Variants in NAV2 observed in about 807,000 individuals in gnomAD.
NAV2 encodes the protein helicase, APC down-regulated 1.
Under a neutral mutation model 223.2 loss-of-function variants are expected in NAV2, and 54 were observed. That is an observed-to-expected ratio of 0.24 (90% CI 0.19 to 0.30). The LOEUF (loss-of-function observed/expected upper bound fraction) is 0.30, where lower values mean the gene tolerates loss of function less well. NAV2 is among the 10% of genes least tolerant of loss of function. The probability of loss-of-function intolerance (pLI) is 1.00; values close to 1 mark genes in which losing one functional copy is unlikely to be tolerated. For missense variants in NAV2, 2,806 were observed against 3,147.5 expected (o/e 0.89, Z 2.60); for synonymous variants, 1,279 against 1,239.3 (o/e 1.03, Z -0.67).
chr11:19,629,715 T>C (rs7101459), intron 1 of NAV2, among the ~76,000 whole-genome samples: 151,875 of 152,198 alleles, frequency 1, 75,777 homozygotes, highest in Middle Eastern at 1. Flanking sequence ...GGAGAACAGA[T>C]CTTGTTAGGA....
intron 1 of NAV2, among the ~76,000 whole-genome samples, chr11:19,691,267 A>AAAG: frequency 6.6e-6 from 1 of 151,514 alleles, no homozygotes; most frequent in East Asian, 1.9e-4. Context: ...GAAAAAAAAA[A>AAAG]CAGATGACAT....
At chr11:19,738,940 T>A (rs532691704) in intron 1 of NAV2, among the ~76,000 whole-genome samples, 22 of 152,266 alleles carry the variant, frequency 1.4e-4, no homozygotes, top group African/African-American at 4.6e-4. Context: ...AACACACAAC[T>A]AATATTAGAT....
At chr11:20,062,041 C>G (rs1034710751) in intron 19 of NAV2, among the ~76,000 whole-genome samples, 43 of 152,046 alleles carry the variant, frequency 2.8e-4, no homozygotes, top group African/African-American at 1.0e-3. Flanking sequence ...CATTTTTGTT[C>G]AGTAATCATA....
chr11:19,761,137 A>G (rs915337742), intron 1 of NAV2, among the ~76,000 whole-genome samples: 1 of 152,108 alleles, frequency 6.6e-6, no homozygotes, highest in Admixed American at 6.5e-5. Flanking sequence ...ACTGAAGTCA[A>G]GTTTGCTATG....
chr11:20,072,901 T>C (rs2059489739), intron 22 of NAV2, among the ~76,000 whole-genome samples: 3 of 152,224 alleles, frequency 2.0e-5, no homozygotes. Flanking sequence ...TTTGACTTCC[T>C]GTTTTCCCAA....
chr11:19,741,498 T>TTTC (rs1491514318), intron 1 of NAV2, among the ~76,000 whole-genome samples: 1 of 35,180 alleles, frequency 2.8e-5, no homozygotes, highest in Non-Finnish European at 7.9e-5. Context: ...TCTTTCTTTC[T>TTTC]TTTTTTTTTT....
intron 1 of NAV2, among the ~76,000 whole-genome samples, chr11:19,469,279 G>A (rs1347376720): frequency 6.6e-6 from 1 of 152,164 alleles, no homozygotes; most frequent in Admixed American, 6.5e-5. Flanking sequence ...AGAGCCCCAG[G>A]GTGAAGCAGA....
At chr11:19,650,088 G>C (rs1225276027) in intron 1 of NAV2, among the ~76,000 whole-genome samples, 1 of 152,172 alleles carries the variant, frequency 6.6e-6, no homozygotes, top group African/African-American at 2.4e-5. Flanking sequence ...CCCCAAAAAA[G>C]ATATATTGAA....
At chr11:19,836,056 A>T (rs1018776509) in intron 2 of NAV2, among the ~76,000 whole-genome samples, 4 of 152,104 alleles carry the variant, frequency 2.6e-5, no homozygotes, top group African/African-American at 9.7e-5. Flanking sequence ...GCATGCAGTG[A>T]TGTTCAGGAA....
intron 1 of NAV2, among the ~76,000 whole-genome samples, chr11:19,580,259 C>A (rs983970325): frequency 2.0e-5 from 3 of 152,102 alleles, no homozygotes; most frequent in Non-Finnish European, 2.9e-5. Context: ...AAAGATTGTC[C>A]TGTAGCCAGA....
chr11:19,863,033 C>T (rs1038812046), intron 3 of NAV2, among the ~76,000 whole-genome samples: 3 of 152,112 alleles, frequency 2.0e-5, no homozygotes, highest in Non-Finnish European at 2.9e-5. Context: ...TGATATCTGC[C>T]TCCCATCCCA....
chr11:19,669,263 C>G (rs1319862384), intron 1 of NAV2, among the ~76,000 whole-genome samples: 2 of 152,238 alleles, frequency 1.3e-5, no homozygotes, highest in Non-Finnish European at 2.9e-5. Context: ...CATGCACTGT[C>G]ACTCCAGTGT....
intron 1 of NAV2, among the ~76,000 whole-genome samples, chr11:19,495,363 C>T (rs2134107668): frequency 6.6e-6 from 1 of 152,216 alleles, no homozygotes; most frequent in East Asian, 1.9e-4. Context: ...ATAAACAGAC[C>T]ACTGTAGTGT....
intron 7 of NAV2, among the ~76,000 whole-genome samples, chr11:19,937,359 C>A (rs1030777039): frequency 6.6e-6 from 1 of 151,446 alleles, no homozygotes; most frequent in Admixed American, 6.6e-5. Flanking sequence ...GCTCCCCCCC[C>A]GCCCACCAAA....
rs2050058167 is a variant in NAV2 at position 19,713,981 on chromosome 11, C to G, written c.267+19C>G. The G allele has an allele frequency of 6.2e-7, 1 of 1,611,822 alleles. No individual in the cohort carries two copies. Among genetic ancestry groups the G allele is most frequent in the African/African-American group, 1.3e-5 (1 of 74,872 alleles). ...TACCCAGGTGAGAGATGCCGTTTGC[C>G]GGGGTACTGTTCTGGAAGGATGGAT... On this transcript the variant is annotated intron_variant, in intron 1 of 37. Coordinates refer to ENST00000349880, the MANE Select transcript of NAV2 (RefSeq NM_145117.5). The surrounding 1 kb of genome is among the most constrained non-coding windows in gnomAD (Gnocchi z 7.2).
chr11:19,867,528 C>T (rs1244540617), intron 3 of NAV2, among the ~76,000 whole-genome samples: 1 of 152,234 alleles, frequency 6.6e-6, no homozygotes, highest in Non-Finnish European at 1.5e-5. Flanking sequence ...TAAGAAAGGA[C>T]TTTCTGCAAT....
chr11:20,080,919 C>A (rs1043546702), intron 25 of NAV2, among the ~76,000 whole-genome samples: 6 of 152,130 alleles, frequency 3.9e-5, no homozygotes, highest in African/African-American at 1.4e-4. Context: ...TTTTTTAATT[C>A]TTCTTTAAAG....
chr11:20,080,262 C>T, intron 25 of NAV2, 53 bp downstream of exon 25: 1 of 1,542,278 alleles, frequency 6.5e-7, no homozygotes, highest in Non-Finnish European at 8.9e-7. Flanking sequence ...AGTTGCAGAA[C>T]TGGCTGCTGC....
chr11:20,053,320 T>G (rs2058146551), intron 17 of NAV2, among the ~76,000 whole-genome samples: 1 of 150,492 alleles, frequency 6.6e-6, no homozygotes, highest in South Asian at 2.1e-4. Context: ...GATTGAAATC[T>G]CAACTCTGTG....
Sources: gnomAD v4.1 joint callset for allele counts (sites outside exome capture counted in the v4.1 genomes callset) on GRCh38, gnomAD v4.1.1 for gene constraint, Gnocchi (gnomAD v3.1) non-coding constraint, MANE v1.5 for transcripts, NCBI Gene and HGNC (gene_info 2026-07-23, HGNC 2026-07-21) for gene names.